The following HECW2 variants were observed in gnomAD, a reference collection of about 807,000 sequenced individuals.
HECW2 encodes E3 ubiquitin-protein ligase HECW2.
Under a neutral mutation model 175.2 loss-of-function variants are expected in HECW2, and 61 were observed. The observed-to-expected ratio is 0.35, with a 90% CI of 0.28 to 0.43. The LOEUF is 0.43. Among genes scored for constraint, HECW2 ranks in the 20% least tolerant of loss-of-function variants. The pLI is 1.00. For missense variants in HECW2, 1,524 were observed against 2,000.5 expected, an observed-to-expected ratio of 0.76 and a Z score of 4.54; for synonymous variants, 671 against 731.0, an observed-to-expected ratio of 0.92 and a Z score of 1.32.
intron 2 of HECW2, among the ~76,000 whole-genome samples, chr2:196,418,297 T>A (rs947735396): frequency 2.0e-5 from 3 of 151,950 alleles, no homozygotes; most frequent in Non-Finnish European, 4.4e-5. Flanking sequence ...CCCAGCTAAT[T>A]TTTTGTATTT....
At chr2:196,354,991 T>A (rs942644865) in intron 2 of HECW2, among the ~76,000 whole-genome samples, 3 of 152,230 alleles carry the variant, frequency 2.0e-5, no homozygotes, top group African/African-American at 7.2e-5. Flanking sequence ...CCAAACTGAA[T>A]GTTTTACTAC....
intron 2 of HECW2, among the ~76,000 whole-genome samples, chr2:196,385,130 T>C (rs1047961738): frequency 2.0e-5 from 3 of 152,142 alleles, no homozygotes; most frequent in African/African-American, 7.2e-5. Context: ...CAGGTTGGTC[T>C]TGAACTCCTG....
Position 196,318,820 on chromosome 2 carries a change from G to A in HECW2, c.2070C>T (p.Ser690=), listed in dbSNP as rs1434539224. 1 of 1,535,820 alleles carries A rather than the reference G, an allele frequency of 6.5e-7. No homozygotes were observed. The highest frequency in any genetic ancestry group is 1.4e-5 in the African/African-American group (1 of 72,578). ...CCTGCGACCCTTCGGCAGGGCCACTGCTGGTGGGCTCTGCTGCACAGGCTC... is the reference window on the plus strand; with the variant it reads ...CCTGCGACCCTTCGGCAGGGCCACTACTGGTGGGCTCTGCTGCACAGGCTC... ...EDGACAAEPT[S]SGPAEGSQES... Residue 690 remains serine, a synonymous_variant, in exon 9 of 29, where the codon AGC becomes AGT. Transcript: ENST00000644978.
chr2:196,221,069 G>A (rs1687648915), intron 24 of HECW2, 128 bp from the exon 25 acceptor site: 6 of 913,186 alleles, frequency 6.6e-6, no homozygotes, highest in Non-Finnish European at 1.0e-5. Context: ...CCCACAAGCT[G>A]GCAGTGAGGC....
intron 2 of HECW2, among the ~76,000 whole-genome samples, chr2:196,366,161 G>A (rs930562594): frequency 6.6e-6 from 1 of 152,090 alleles, no homozygotes; most frequent in African/African-American, 2.4e-5. Context: ...CTTGATCAAG[G>A]GAGCACCACA....
At chr2:196,441,710 G>A (rs146229186) in intron 1 of HECW2, among the ~76,000 whole-genome samples, 13 of 152,204 alleles carry the variant, frequency 8.5e-5, no homozygotes, top group African/African-American at 2.4e-4. Context: ...GATAAACTCC[G>A]TGTTTATCAT....
intron 1 of HECW2, among the ~76,000 whole-genome samples, chr2:196,590,692 TC>T (rs1691158313): frequency 6.6e-6 from 1 of 152,146 alleles, no homozygotes; most frequent in African/African-American, 2.4e-5. Flanking sequence ...ACTGGGAAGA[TC>T]CCAAAAGCCA....
At chr2:196,324,443 G>C (rs1253182736) in intron 6 of HECW2, among the ~76,000 whole-genome samples, 3 of 152,180 alleles carry the variant, frequency 2.0e-5, no homozygotes, top group Admixed American at 6.5e-5. Flanking sequence ...CACTCAGGAT[G>C]ATGACTCCTT....
intron 1 of HECW2, among the ~76,000 whole-genome samples, chr2:196,445,792 A>G (rs1235770874): frequency 6.6e-6 from 1 of 152,224 alleles, no homozygotes; most frequent in Non-Finnish European, 1.5e-5. Flanking sequence ...GCCATACTAG[A>G]GTACGACTAA....
At chr2:196,288,572 C>T (rs1372911512) in intron 14 of HECW2, 2 of 152,158 alleles carry the variant, frequency 1.3e-5, no homozygotes, top group Non-Finnish European at 2.9e-5. Context: ...GACATGAATC[C>T]TACAGTATAT....
At chr2:196,205,116 T>C (rs932092941) in intron 28 of HECW2, among the ~76,000 whole-genome samples, 66 of 152,232 alleles carry the variant, frequency 4.3e-4, no homozygotes, top group African/African-American at 1.5e-3. Flanking sequence ...TTGCATAATA[T>C]ATGGTTACCA....
intron 2 of HECW2, among the ~76,000 whole-genome samples, chr2:196,402,038 A>C (rs953306926): frequency 2.0e-5 from 3 of 151,680 alleles, no homozygotes; most frequent in African/African-American, 7.3e-5. Flanking sequence ...GTCTCTACTA[A>C]AAATACAAAA....
intron 2 of HECW2, among the ~76,000 whole-genome samples, chr2:196,396,105 A>G (rs1694655059): frequency 6.6e-6 from 1 of 152,258 alleles, no homozygotes; most frequent in Non-Finnish European, 1.5e-5. Context: ...GCTAAGTGAT[A>G]TAAGCCAGTC....
At position 196,226,012 on chromosome 2, in the gene HECW2, G is replaced by A. The variant is rs1687835961; in HGVS notation, c.3918-142C>T. On this transcript the variant is annotated intron_variant, in intron 22 of 28. Coordinates refer to ENST00000644978, the MANE Select transcript of HECW2 (RefSeq NM_001348768.2). ...CCTACTAGGTAGTGAGAATTTGTAG[G>A]CACCATGGGCTGTGTCTTCATCAGG... The A allele has an allele frequency of 5.0e-6, 3 of 596,452 alleles. 1 individual carries two copies. Among genetic ancestry groups the A allele is most frequent in the Non-Finnish European group, 9.3e-6 (3 of 323,772 alleles). The allele number at this position is 596,452 out of a possible 1,614,324, so 36.9% of individuals were successfully genotyped here. A position where few individuals can be genotyped will look rare whatever the true frequency, so the allele number is the denominator to read the frequency against.
intron 2 of HECW2, among the ~76,000 whole-genome samples, chr2:196,351,334 A>G (rs2105853599): frequency 6.6e-6 from 1 of 152,268 alleles, no homozygotes; most frequent in Non-Finnish European, 1.5e-5. Flanking sequence ...CCTGTACATG[A>G]TTCTTGGATT....
intron 2 of HECW2, among the ~76,000 whole-genome samples, chr2:196,385,267 G>A (rs1310328510): frequency 1.3e-5 from 2 of 151,968 alleles, no homozygotes; most frequent in Non-Finnish European, 2.9e-5. Flanking sequence ...ATTTAATTAA[G>A]ACAGTAAAAG....
At chr2:196,349,979 G>A (rs1297109383) in intron 2 of HECW2, among the ~76,000 whole-genome samples, 2 of 152,042 alleles carry the variant, frequency 1.3e-5, no homozygotes, top group East Asian at 3.9e-4. Context: ...AGATCCTCAC[G>A]GGTCACCATC....
intron 1 of HECW2, among the ~76,000 whole-genome samples, chr2:196,491,868 A>C (rs1191885879): frequency 1.3e-5 from 2 of 152,172 alleles, no homozygotes; most frequent in African/African-American, 4.8e-5. Context: ...TTCCAAGTAC[A>C]TGATTGGCTT....
intron 19 of HECW2, among the ~76,000 whole-genome samples, chr2:196,246,246 G>T (rs944123056): frequency 2.0e-5 from 3 of 152,224 alleles, no homozygotes; most frequent in Non-Finnish European, 4.4e-5. Flanking sequence ...CAGTGCTCCA[G>T]TCTGAGAAAC....
Sources: allele counts gnomAD v4.1 joint callset (sites outside exome capture counted in the v4.1 genomes callset), GRCh38; gene constraint gnomAD v4.1.1; transcripts MANE v1.5; gene names NCBI Gene and HGNC (gene_info 2026-07-23, HGNC 2026-07-21).